Variants in OGDH observed in about 807,000 individuals in gnomAD.
The protein encoded by OGDH is 2-oxoglutarate dehydrogenase complex component E1.
In OGDH, 38 loss-of-function variants were observed where a neutral mutation model predicts 116.6. The observed-to-expected ratio is 0.33, with a 90% CI of 0.25 to 0.43. OGDH has a LOEUF of 0.43. OGDH is among the 20% of genes least tolerant of loss of function. The pLI is 1.00. For synonymous variants in OGDH, 488 were observed against 533.3 expected (o/e 0.92, Z 1.17); for missense variants, 825 against 1,357.2 (o/e 0.61, Z 6.16).
At chr7:44,637,836 G>C (rs887931600) in intron 2 of OGDH, among the ~76,000 whole-genome samples, 1 of 151,844 alleles carries the variant, frequency 6.6e-6, no homozygotes, top group Non-Finnish European at 1.5e-5. Flanking sequence ...AAAAAAAATG[G>C]TATTCATTTT....
intron 9 of OGDH, among the ~76,000 whole-genome samples, chr7:44,677,986 AC>A (rs1787771816): frequency 6.6e-6 from 1 of 152,270 alleles, no homozygotes. Context: ...AGGAAGGGAA[AC>A]TGTCATCATA....
At position 44,700,169 on chromosome 7, in the gene OGDH, A is replaced by G. The variant is rs375313423; in HGVS notation, c.2459A>G (p.Asn820Ser). ...CTTAAAGAAGCCAACTTCGACATCAATCAGCTATATGACTGCAATTGGGTT... is the reference window on the plus strand; with the variant it reads ...CTTAAAGAAGCCAACTTCGACATCAGTCAGCTATATGACTGCAATTGGGTT... ...PDLKEANFDI[N>S]QLYDCNWVVV... Residue 820 changes from asparagine to serine, a missense_variant, in exon 19 of 23, where the codon AAT (asparagine) becomes AGT (serine). Transcript: ENST00000222673. 4.1e-5 allele frequency: 66 copies of G among 1,614,018 alleles called. No homozygotes were observed. The highest frequency in any genetic ancestry group is 2.9e-4 in the South Asian group (26 of 91,080).
intron 4 of OGDH, chr7:44,656,366 T>C (rs1242471570): frequency 6.5e-6 from 10 of 1,535,766 alleles, no homozygotes; most frequent in South Asian, 2.4e-5. Flanking sequence ...GTAGGAGGTA[T>C]GAAAATAATG....
chr7:44,616,798 T>C (rs566650446), intron 1 of OGDH, among the ~76,000 whole-genome samples: 58 of 102,902 alleles, frequency 5.6e-4, no homozygotes, highest in African/African-American at 1.9e-3. Flanking sequence ...TATATATGTG[T>C]ATATATATGC....
intron 1 of OGDH, among the ~76,000 whole-genome samples, chr7:44,612,731 C>CT (rs35417942): frequency 0.064 from 9,806 of 152,042 alleles, 401 homozygotes; most frequent in East Asian, 0.12. Flanking sequence ...GGGTCTTACT[C>CT]TGTCACCCAG....
Position 44,708,167 on chromosome 7 carries a change from G to T in OGDH, c.*168G>T. 1 of 950,292 alleles carries T rather than the reference G, an allele frequency of 1.1e-6. No homozygotes were observed. The highest frequency in any genetic ancestry group is 1.5e-6 in the Non-Finnish European group (1 of 653,774). 58.9% of individuals were successfully genotyped at this position (950,292 alleles called of 1,614,324 possible). The stretch of plus-strand genomic sequence containing the variant: ...AGTTAGGCTGTCGTCCCCCTCCAGT[G>T]CTTGGCTGCCCCACAGGCCACACGC... On this transcript the variant is annotated 3_prime_UTR_variant, in exon 23 of 23. Coordinates refer to ENST00000222673, the MANE Select transcript of OGDH (RefSeq NM_002541.4).
intron 2 of OGDH, among the ~76,000 whole-genome samples, chr7:44,638,919 G>T (rs1039274467): frequency 6.6e-6 from 1 of 152,200 alleles, no homozygotes; most frequent in Non-Finnish European, 1.5e-5. Context: ...TATCCCCCAG[G>T]ATGGGGACAG....
chr7:44,609,189 C>T (rs1784467540), intron 1 of OGDH, among the ~76,000 whole-genome samples: 1 of 151,924 alleles, frequency 6.6e-6, no homozygotes, highest in Non-Finnish European at 1.5e-5. Context: ...GGAGAATCAT[C>T]CAGGTTGTTG....
chr7:44,700,375 C>T, intron 19 of OGDH, 106 bp downstream of exon 19: 1 of 1,417,738 alleles, frequency 7.1e-7, no homozygotes, highest in Non-Finnish European at 9.6e-7. Context: ...TAGGTGGGCA[C>T]CTGCAGGGGT....
At chr7:44,689,609 G>A (rs1262910728) in intron 10 of OGDH, among the ~76,000 whole-genome samples, 1 of 151,628 alleles carries the variant, frequency 6.6e-6, no homozygotes, top group Non-Finnish European at 1.5e-5. Context: ...CATCCTAGAA[G>A]GTGTGAGGTG....
Position 44,674,561 on chromosome 7 carries a change from C to A in OGDH, c.935+4C>A. On this transcript the variant is annotated splice_donor_region_variant and intron_variant, in intron 7 of 22. Transcript: ENST00000222673. ...TGATCATGGGCATGCCACACAGGTA[C>A]AGCCAAGGGCGCGCCCAACCTGGTT... is the stretch of plus-strand genomic sequence containing the variant. 3 of 1,613,898 alleles carry A rather than the reference C, an allele frequency of 1.9e-6. No individual in the cohort carries two copies. The highest frequency in any genetic ancestry group is 2.5e-6 in the Non-Finnish European group (3 of 1,179,956).
chr7:44,699,012 C>T (rs751372921), intron 18 of OGDH, among the ~76,000 whole-genome samples: 2 of 151,276 alleles, frequency 1.3e-5, no homozygotes, highest in African/African-American at 2.4e-5. Context: ...GGCATGGTGG[C>T]GCCCACCTGT....
At chr7:44,656,273 T>A (rs1165034428) in intron 4 of OGDH, 21 of 1,533,950 alleles carry the variant, frequency 1.4e-5, no homozygotes, top group Non-Finnish European at 1.8e-5. Context: ...CTCACCTGTC[T>A]TTTTCCTTCT....
intron 1 of OGDH, among the ~76,000 whole-genome samples, chr7:44,612,324 A>G (rs183645925): frequency 4.6e-5 from 7 of 152,216 alleles, no homozygotes; most frequent in African/African-American, 9.6e-5. Context: ...TCAAAATCGG[A>G]TAGATTGATT....
chr7:44,618,165 A>G (rs1784876551), intron 1 of OGDH, among the ~76,000 whole-genome samples: 1 of 152,192 alleles, frequency 6.6e-6, no homozygotes, highest in South Asian at 2.1e-4. Flanking sequence ...TTAATGGATT[A>G]CAACTTGTAT....
intron 2 of OGDH, among the ~76,000 whole-genome samples, chr7:44,642,704 A>C (rs1785999146): frequency 6.6e-6 from 1 of 152,130 alleles, no homozygotes; most frequent in South Asian, 2.1e-4. Flanking sequence ...CGGGTGGATC[A>C]CAAGGTCAGG....
intron 7 of OGDH, 143 bp from the exon 8 acceptor site, chr7:44,675,035 C>T (rs1263719611): frequency 1.5e-6 from 1 of 660,788 alleles, no homozygotes. Flanking sequence ...ACATTAGCTC[C>T]AGTTTACAGC....
intron 1 of OGDH, among the ~76,000 whole-genome samples, chr7:44,609,322 G>A (rs1254707871): frequency 1.5e-5 from 2 of 132,458 alleles, no homozygotes; most frequent in Non-Finnish European, 3.2e-5. Flanking sequence ...GAGGAACATA[G>A]TGAGACCTCG....
intron 2 of OGDH, among the ~76,000 whole-genome samples, chr7:44,644,821 T>C (rs982753265): frequency 3.3e-5 from 5 of 152,228 alleles, no homozygotes; most frequent in Non-Finnish European, 5.9e-5. Context: ...CAGGTTGTGC[T>C]GAGCCCTTGG....
Sources: gnomAD v4.1 joint callset for allele counts (sites outside exome capture counted in the v4.1 genomes callset) on GRCh38, gnomAD v4.1.1 for gene constraint, MANE v1.5 for transcripts, NCBI Gene and HGNC (gene_info 2026-07-23, HGNC 2026-07-21) for gene names.